Variants in SPOUT1 observed in about 807,000 individuals in gnomAD.
The protein encoded by SPOUT1 is SPOUT domain containing methyltransferase 1.
A neutral mutation model predicts 54.8 loss-of-function variants in SPOUT1; 40 were observed. That is an observed-to-expected ratio of 0.73 (90% CI 0.57 to 0.95). The LOEUF (loss-of-function observed/expected upper bound fraction) is 0.95, where lower values mean the gene tolerates loss of function less well. SPOUT1 is among the 40% of genes least tolerant of loss of function. The probability of loss-of-function intolerance (pLI) is 0.00; values close to 1 mark genes in which losing one functional copy is unlikely to be tolerated. For missense variants in SPOUT1, 437 were observed against 499.5 expected (o/e 0.87, Z 1.19); for synonymous variants, 193 against 200.3 (o/e 0.96, Z 0.31).
rs561363504 is a variant in SPOUT1, at chr9:128,827,185, G to A, written c.215C>T (p.Pro72Leu). 6.8e-6 allele frequency: 11 copies of A among 1,611,556 alleles called. No homozygotes were observed. Among genetic ancestry groups the A allele is most frequent in the African/African-American group, 4.0e-5 (3 of 75,012 alleles). ...AAAEKEDRGR[P>L]YTLSVALPGS... ...CGGCAGGGCTACGCTCAGTGTGTAG[G>A]GCCGCCCTGAGCAGGGGAGGGATGT... is the stretch of plus-strand genomic sequence containing the variant. The change falls in exon 4 of 12, where the codon CCC (proline) becomes CTC (leucine). Residue 72 changes from proline (P) to leucine (L), a missense_variant. Physicochemically the swap from Pro to Leu is moderately conservative, Grantham distance 98 (BLOSUM62 -3). Transcript: ENST00000361256.
chr9:128,823,257 G>T (rs981515489), intron 11 of SPOUT1, among the ~76,000 whole-genome samples: 1 of 152,152 alleles, frequency 6.6e-6, no homozygotes, highest in African/African-American at 2.4e-5. Flanking sequence ...ACTGATGGGA[G>T]TACCAGCCTT....
chr9:128,822,543 T>G lies in SPOUT1; in HGVS notation c.*222A>C. On this transcript the variant is annotated 3_prime_UTR_variant, in exon 12 of 12. Coordinates refer to ENST00000361256, the MANE Select transcript of SPOUT1 (RefSeq NM_016390.4). Reference sequence around the variant, plus strand: ...GAGAGCATTGAGCGGGCTTCGGGGCTGCTCTTTGTGCCAAACATCCTGGCG... The same window carrying G: ...GAGAGCATTGAGCGGGCTTCGGGGCGGCTCTTTGTGCCAAACATCCTGGCG... The G allele has an allele frequency of 1.3e-6, 2 of 1,560,422 alleles. No individual in the cohort carries two copies. Among genetic ancestry groups the G allele is most frequent in the Non-Finnish European group, 8.7e-7 (1 of 1,151,806 alleles).
Position 128,824,880 on chromosome 9 carries a change from A to C in SPOUT1, c.713-11T>G. ...GGTAGGTCTTGCAGTCTGGAGGGGT[A>C]ACAGAGTCTGTAAAGATGGGGTGAG... On this transcript the variant is annotated splice_polypyrimidine_tract_variant and intron_variant, in intron 8 of 11. Coordinates refer to ENST00000361256, the MANE Select transcript of SPOUT1 (RefSeq NM_016390.4). 1 of 1,610,364 alleles carries C rather than the reference A, an allele frequency of 6.2e-7. No individual in the cohort carries two copies. The highest frequency in any genetic ancestry group is 8.5e-7 in the Non-Finnish European group (1 of 1,176,602).
chr9:128,827,004 C>A (rs768348250), intron 4 of SPOUT1, 28 bp downstream of exon 4: 1 of 1,608,892 alleles, frequency 6.2e-7, no homozygotes, highest in Non-Finnish European at 8.5e-7. Flanking sequence ...CTCCCTGAAC[C>A]CTGGCACCCT....
In SPOUT1 at chr9:128,827,167, G is replaced by GC; in HGVS notation, c.232dup (p.Ala78GlyfsTer34). On this transcript the variant is annotated frameshift_variant, in exon 4 of 12. Transcript: ENST00000361256. LOFTEE classifies it high-confidence loss of function. Reference sequence around the variant, plus strand: ...ATTGTCCAGGATGGAGCCCGGCAGGGCTACGCTCAGTGTGTAGGGCCGCCC... The same window carrying GC: ...ATTGTCCAGGATGGAGCCCGGCAGGGCCTACGCTCAGTGTGTAGGGCCGCCC... 1 of 1,613,542 alleles carries GC rather than the reference G, an allele frequency of 6.2e-7. No individual in the cohort carries two copies. The highest frequency in any genetic ancestry group is 8.5e-7 in the Non-Finnish European group (1 of 1,179,996).
At chr9:128,825,748 C>CATGCTGCTCCAGAGTGACTTTCAAA (rs1411461072) in intron 7 of SPOUT1, among the ~76,000 whole-genome samples, 1 of 152,208 alleles carries the variant, frequency 6.6e-6, no homozygotes, top group African/African-American at 2.4e-5. Context: ...GGCTCTGTGC[C>CATGCTGCTCCAGAGTGACTTTCAAA]ACATGGGAGC....
rs1358177118 is a variant in SPOUT1 at position 128,826,515 on chromosome 9, A to G, written c.458+25T>C. Reference sequence around the variant, plus strand: ...CTCCACTTTGACACACCCCTCCCTCATGCTTAGGGGAGTGACCCCCTTACT... The same window carrying G: ...CTCCACTTTGACACACCCCTCCCTCGTGCTTAGGGGAGTGACCCCCTTACT... On this transcript the variant is annotated intron_variant, in intron 5 of 11. Transcript: ENST00000361256. This position sits in a 1 kb window ranked among gnomAD's most constrained non-coding sequence, Gnocchi z 5.5. 1.2e-6 allele frequency: 2 copies of G among 1,610,198 alleles called. No homozygotes were observed. Among genetic ancestry groups the G allele is most frequent in the Non-Finnish European group, 1.7e-6 (2 of 1,176,880 alleles).
intron 3 of SPOUT1, among the ~76,000 whole-genome samples, chr9:128,827,704 G>C (rs764168051): frequency 5.9e-5 from 9 of 152,286 alleles, no homozygotes; most frequent in Non-Finnish European, 1.2e-4. Flanking sequence ...GATCACCTGA[G>C]TGAGGTCAGG....
Position 128,820,605 on chromosome 9 carries a change from G to A in SPOUT1, c.*2160C>T, listed in dbSNP as rs1830090711. 2.8e-6 allele frequency: 2 copies of A among 718,290 alleles called. No individual in the cohort carries two copies. Among genetic ancestry groups the A allele is most frequent in the East Asian group, 2.7e-5 (1 of 36,928 alleles). 44.5% of individuals were successfully genotyped at this position (718,290 alleles called of 1,614,324 possible). A position where few individuals can be genotyped will look rare whatever the true frequency, so the allele number is the denominator to read the frequency against. The stretch of plus-strand genomic sequence containing the variant: ...TTTCAGGGAGTGACTTTCATTCCTT[G>A]AGCCTCAGTTTCCCCCCGCTTGTCT... On this transcript the variant is annotated 3_prime_UTR_variant, in exon 12 of 12. Transcript: ENST00000361256.
In SPOUT1 at chr9:128,827,620, A is replaced by C. The variant is rs1238625429; in HGVS notation, c.209-429T>G. ...AGGGGCCTTCAGCCCCGGGAAGTCA[A>C]ATACATGGCCCAAGGTCACACAAAA... On this transcript the variant is annotated intron_variant, in intron 3 of 11. Coordinates refer to ENST00000361256, the MANE Select transcript of SPOUT1 (RefSeq NM_016390.4). 5.9e-5 allele frequency among the ~76,000 whole-genome samples: 9 copies of C among 152,390 alleles called. No individual in the cohort carries two copies. In the East Asian group the frequency reaches 1.7e-3, roughly 29 times the overall value.
chr9:128,829,375 G>T (rs4446828), intron 1 of SPOUT1, among the ~76,000 whole-genome samples: 151 of 152,334 alleles, frequency 9.9e-4, no homozygotes, highest in South Asian at 5.6e-3. Context: ...TCAAGAAACT[G>T]TCGAATGAGT....
rs1830101379 is a variant in SPOUT1, at chr9:128,820,953, C to T, written c.*1812G>A. 2 of 997,048 alleles carry T rather than the reference C, an allele frequency of 2.0e-6. No individual in the cohort carries two copies. The highest frequency in any genetic ancestry group is 1.5e-5 in the South Asian group (1 of 68,600). 61.8% of individuals were successfully genotyped at this position (997,048 alleles called of 1,614,324 possible). On this transcript the variant is annotated 3_prime_UTR_variant, in exon 12 of 12. Transcript: ENST00000361256. ...CCAGGCTCTGGGTCAATACCAGTTC[C>T]CTACTCATCTGGTTTCTTGGCAAGC...
chr9:128,824,766 C>T lies in SPOUT1; in HGVS notation c.811+5G>A. 6.2e-7 allele frequency: 1 copy of T among 1,608,986 alleles called. No individual in the cohort carries two copies. Among genetic ancestry groups the T allele is most frequent in the Non-Finnish European group, 8.5e-7 (1 of 1,175,412 alleles). On this transcript the variant is annotated splice_donor_5th_base_variant and intron_variant, in intron 9 of 11. Transcript: ENST00000361256. ...GATATTCAGAGAAGTAAGGTCTGTC[C>T]TTACTGAGGCAGGAAGCCAGTCGGA...
chr9:128,823,941 C>G (rs551639701), intron 10 of SPOUT1, 47 bp from the exon 11 acceptor site: 1 of 1,606,320 alleles, frequency 6.2e-7, no homozygotes, highest in Middle Eastern at 1.7e-4. Flanking sequence ...CGAGGCCCCA[C>G]CCAGCACAGC....
chr9:128,820,289 C>G lies in SPOUT1; in HGVS notation c.*2476G>C, dbSNP rs1830082863. On this transcript the variant is annotated 3_prime_UTR_variant, in exon 12 of 12. Coordinates refer to ENST00000361256, the MANE Select transcript of SPOUT1 (RefSeq NM_016390.4). ...CAGCTTCCTTCTGGGAAGACAGCCC[C>G]CTATCCACTTTCCATTGTCCCAGGC... The G allele has an allele frequency of 6.3e-6, 1 of 158,436 alleles. No individual in the cohort carries two copies. The highest frequency in any genetic ancestry group is 2.4e-5 in the African/African-American group (1 of 41,578). The allele number at this position is 158,436 out of a possible 1,614,324, so 9.8% of individuals were successfully genotyped here. A position where few individuals can be genotyped will look rare whatever the true frequency, so the allele number is the denominator to read the frequency against.
In SPOUT1 at chr9:128,826,269, G is replaced by A; in HGVS notation, c.508+115C>T. ...ACCTGCGTCTTGGCATCAGACACAG[G>A]TCTTGCTCTCCCAGGCCTGCTTTCC... is the stretch of plus-strand genomic sequence containing the variant. On this transcript the variant is annotated intron_variant, in intron 6 of 11. Transcript: ENST00000361256. The surrounding 1 kb of genome is among the most constrained non-coding windows in gnomAD (Gnocchi z 5.5). 2.6e-6 allele frequency: 4 copies of A among 1,556,700 alleles called. No individual in the cohort carries two copies. The highest frequency in any genetic ancestry group is 1.1e-5 in the South Asian group (1 of 88,624).
rs751355491 is a variant in SPOUT1, at chr9:128,829,735, C to T, written c.36+10G>A. On this transcript the variant is annotated intron_variant, in intron 1 of 11. Transcript: ENST00000361256. ...GCTGCCCTGCACGGGGTCCCGCCGCCCGCACTTACCGGGCCGCACGGCCGC... is the reference window on the plus strand; with the variant it reads ...GCTGCCCTGCACGGGGTCCCGCCGCTCGCACTTACCGGGCCGCACGGCCGC... 12 of 1,597,190 alleles carry T rather than the reference C, an allele frequency of 7.5e-6. No homozygotes were observed. In the South Asian group the frequency reaches 7.9e-5, roughly 11 times the overall value.
Position 128,822,645 on chromosome 9 carries a change from G to T in SPOUT1, c.*120C>A, listed in dbSNP as rs973225172. ...CCAGTGAGACTGTGGGTGTGTGCAG[G>T]CCGGGGAGTATTAAAGGTGGTGATT... is the stretch of plus-strand genomic sequence containing the variant. On this transcript the variant is annotated 3_prime_UTR_variant, in exon 12 of 12. Transcript: ENST00000361256. 2 of 1,557,352 alleles carry T rather than the reference G, an allele frequency of 1.3e-6. No homozygotes were observed. Among genetic ancestry groups the T allele is most frequent in the African/African-American group, 2.7e-5 (2 of 73,646 alleles).
Position 128,824,793 on chromosome 9 carries a change from G to T in SPOUT1, c.789C>A (p.Thr263=). 4.3e-6 allele frequency: 7 copies of T among 1,613,630 alleles called. No individual in the cohort carries two copies. The highest frequency in any genetic ancestry group is 5.9e-6 in the Non-Finnish European group (7 of 1,179,546). The change falls in exon 9 of 12, where the codon ACC becomes ACA. Residue 263 remains threonine (T), a synonymous_variant. Coordinates refer to ENST00000361256, the MANE Select transcript of SPOUT1 (RefSeq NM_016390.4). The stretch of plus-strand genomic sequence containing the variant: ...TACTGAGGCAGGAAGCCAGTCGGAC[G>T]GTGTAGCCCCAGTAGAGACCAGCTT... The part of the protein sequence containing the change: ...RTKAGLYWGY[T]VRLASCLSAV...
Sources: allele counts gnomAD v4.1 joint callset (sites outside exome capture counted in the v4.1 genomes callset), GRCh38; gene constraint gnomAD v4.1.1; non-coding constraint Gnocchi (gnomAD v3.1); transcripts MANE v1.5; gene names NCBI Gene and HGNC (gene_info 2026-07-23, HGNC 2026-07-21).